Variants in FIS1 observed in about 807,000 individuals in gnomAD.
FIS1 encodes fission, mitochondrial 1.
A neutral mutation model predicts 21.6 loss-of-function variants in FIS1; 16 were observed. That is an observed-to-expected ratio of 0.74 (90% CI 0.50 to 1.12). FIS1 has a LOEUF of 1.12. Ranked by LOEUF, FIS1 falls within the 50% of genes most tolerant of loss-of-function variation. FIS1 has a pLI of 0.00. For synonymous variants in FIS1, 92 were observed against 82.2 expected, an observed-to-expected ratio of 1.12 and a Z score of -0.65; for missense variants, 198 against 190.9, an observed-to-expected ratio of 1.04 and a Z score of -0.22.
intron 1 of FIS1, among the ~76,000 whole-genome samples, chr7:101,244,350 C>T (rs1798786311): frequency 1.3e-5 from 2 of 152,190 alleles, no homozygotes; most frequent in South Asian, 2.1e-4. Context: ...GGTCTCCCCT[C>T]CCCGCGGCGG....
chr7:101,240,167 C>T lies in FIS1; in HGVS notation c.336G>A (p.Arg112=). ...PQNNQAKELE[R]LIDKAMKKDG... ...CTTTCTTCATGGCCTTGTCAATGAGCCGCTCCAGTTCCTTGGCCTGGTTGT... is the reference window on the plus strand; with the variant it reads ...CTTTCTTCATGGCCTTGTCAATGAGTCGCTCCAGTTCCTTGGCCTGGTTGT... Residue 112 remains arginine, a synonymous_variant, in exon 4 of 5, where the codon CGG becomes CGA. Transcript: ENST00000223136. 6.2e-7 allele frequency: 1 copy of T among 1,614,186 alleles called. No individual in the cohort carries two copies. Among genetic ancestry groups the T allele is most frequent in the East Asian group, 2.2e-5 (1 of 44,882 alleles).
At chr7:101,244,820 G>A (rs1410366821) in intron 1 of FIS1, 140 bp downstream of exon 1, 11 of 1,016,532 alleles carry the variant, frequency 1.1e-5, no homozygotes, top group East Asian at 2.6e-5. Context: ...CAGGAGCCAG[G>A]CGCTGTGGAG....
chr7:101,244,112 T>C lies in FIS1; in HGVS notation c.73A>G (p.Lys25Glu), dbSNP rs752658698. The C allele has an allele frequency of 6.2e-7, 1 of 1,613,736 alleles. No individual in the cohort carries two copies. The highest frequency in any genetic ancestry group is 8.5e-7 in the Non-Finnish European group (1 of 1,179,746). ...LKFEKKFQSE[K>E]AAGSVSKSTQ... ...CTCTTGGACACCGAGCCTGCTGCCT[T>C]CTCAGACTGAAATTTCTTTTCAAAC... is the stretch of plus-strand genomic sequence containing the variant. Residue 25 changes from lysine to glutamate, a missense_variant, in exon 2 of 5, where the codon AAG (lysine) becomes GAG (glutamate). By Grantham distance (56) the Lys-to-Glu change is moderately conservative. Coordinates refer to ENST00000223136, the MANE Select transcript of FIS1 (RefSeq NM_016068.3).
Position 101,243,288 on chromosome 7 carries a change from C to G in FIS1, c.178+719G>C, listed in dbSNP as rs1488691664. Among the ~76,000 whole-genome samples the G allele has an allele frequency of 2.0e-5, 3 of 152,146 alleles. No homozygotes were observed. The South Asian group carries it at 6.2e-4, about 32-fold the overall frequency. On this transcript the variant is annotated intron_variant, in intron 2 of 4. Transcript: ENST00000223136. ...AAATAGGGTTCCCATCCAAAAAGCA[C>G]TATCTGGCTGGACGAGGTGGCTCAC...
At chr7:101,240,751 A>G (rs1291793151) in intron 3 of FIS1, 79 bp downstream of exon 3, 16 of 1,416,692 alleles carry the variant, frequency 1.1e-5, no homozygotes, top group African/African-American at 1.4e-5. Context: ...CCCGCTGTCC[A>G]GGGCTCCACC....
At chr7:101,244,873 G>T in intron 1 of FIS1, 87 bp downstream of exon 1, 1 of 1,542,488 alleles carries the variant, frequency 6.5e-7, no homozygotes, top group South Asian at 1.1e-5. Context: ...CCAAGCCGAT[G>T]CCGGGAGGAG....
chr7:101,240,307 T>G, intron 3 of FIS1, 60 bp from the exon 4 acceptor site: 1 of 1,558,176 alleles, frequency 6.4e-7, no homozygotes, highest in Non-Finnish European at 8.9e-7. Flanking sequence ...GTTTGTTTGT[T>G]TTTTAATAAG....
In FIS1 at chr7:101,240,000, T is replaced by C. The variant is rs1486545616; in HGVS notation, c.362-97A>G. On this transcript the variant is annotated intron_variant, in intron 4 of 4. Coordinates refer to ENST00000223136, the MANE Select transcript of FIS1 (RefSeq NM_016068.3). Reference sequence around the variant, plus strand: ...CTGCCCCTCAACAGAGGCACACCCCTACCTGGAGTCGCAGGGCAAGGGGCT... The same window carrying C: ...CTGCCCCTCAACAGAGGCACACCCCCACCTGGAGTCGCAGGGCAAGGGGCT... 3.6e-6 allele frequency: 5 copies of C among 1,408,032 alleles called. No homozygotes were observed. In the African/African-American group the frequency reaches 4.2e-5, roughly 12 times the overall value. The allele number at this position is 1,408,032 out of a possible 1,614,324, so 87.2% of individuals were successfully genotyped here. A position where few individuals can be genotyped will look rare whatever the true frequency, so the allele number is the denominator to read the frequency against.
At position 101,239,714 on chromosome 7, in the gene FIS1, G is replaced by T. The variant is rs929484346; in HGVS notation, c.*92C>A. The T allele has an allele frequency of 9.5e-7, 1 of 1,048,454 alleles. No individual in the cohort carries two copies. Among genetic ancestry groups the T allele is most frequent in the Non-Finnish European group, 1.5e-6 (1 of 688,546 alleles). 64.9% of individuals were successfully genotyped at this position (1,048,454 alleles called of 1,614,324 possible). ...CAGAAATTAGCTGAAGGCCACAGAG[G>T]ATAGAGACGGGGGGCAGGGGGAGAA... On this transcript the variant is annotated 3_prime_UTR_variant, in exon 5 of 5. Coordinates refer to ENST00000223136, the MANE Select transcript of FIS1 (RefSeq NM_016068.3).
chr7:101,239,754 C>T lies in FIS1; in HGVS notation c.*52G>A, dbSNP rs562455255. The T allele has an allele frequency of 1.2e-5, 16 of 1,384,780 alleles. No homozygotes were observed. Among genetic ancestry groups the T allele is most frequent in the South Asian group, 3.8e-5 (3 of 79,978 alleles). The allele number at this position is 1,384,780 out of a possible 1,614,324, so 85.8% of individuals were successfully genotyped here. ...CAGGGGGAGAACAGGGAAAGGACAGCGAGGATGGACAGGCCCTCCTGGAGC... is the reference window on the plus strand; with the variant it reads ...CAGGGGGAGAACAGGGAAAGGACAGTGAGGATGGACAGGCCCTCCTGGAGC... On this transcript the variant is annotated 3_prime_UTR_variant, in exon 5 of 5. Transcript: ENST00000223136.
chr7:101,240,860 GA>G lies in FIS1; in HGVS notation c.224del (p.Phe75SerfsTer17). The G allele has an allele frequency of 6.2e-7, 1 of 1,614,128 alleles. No homozygotes were observed. Among genetic ancestry groups the G allele is most frequent in the Non-Finnish European group, 8.5e-7 (1 of 1,180,040 alleles). ...GCCGGTAGTTCCCCACGGCCAGGTAGAAGACGTAATCCCGCTGTTCCTCCTT... is the reference window on the plus strand; with the variant it reads ...GCCGGTAGTTCCCCACGGCCAGGTAGAGACGTAATCCCGCTGTTCCTCCTT... Reference protein sequence around the residue: ...GSKEEQRDYVFYLAVGNYRLK... With the variant: ...GSKEEQRDYVXYLAVGNYRLK... On this transcript the variant is annotated frameshift_variant, in exon 3 of 5. Transcript: ENST00000223136. LOFTEE classifies it high-confidence loss of function.
chr7:101,243,412 C>T (rs1031539499), intron 2 of FIS1, among the ~76,000 whole-genome samples: 2 of 152,082 alleles, frequency 1.3e-5, no homozygotes, highest in Non-Finnish European at 2.9e-5. Context: ...CCTATCTCTA[C>T]AAAAAATACA....
intron 1 of FIS1, 76 bp downstream of exon 1, chr7:101,244,884 G>A (rs563838581): frequency 1.9e-6 from 3 of 1,569,510 alleles, no homozygotes; most frequent in South Asian, 2.2e-5. Flanking sequence ...CCGGGAGGAG[G>A]GTTCGGCCCC....
intron 1 of FIS1, chr7:101,244,751 T>TGG (rs559395987): frequency 3.2e-5 from 19 of 598,992 alleles, no homozygotes; most frequent in South Asian, 2.7e-4. Context: ...GTCTGAGGTG[T>TGG]GGGGGGCTCA....
In FIS1 at chr7:101,240,918, C is replaced by T. The variant is rs1584271160; in HGVS notation, c.179-12G>A. On this transcript the variant is annotated splice_polypyrimidine_tract_variant and intron_variant, in intron 2 of 4. Coordinates refer to ENST00000223136, the MANE Select transcript of FIS1 (RefSeq NM_016068.3). ...TTTGGGCAGCAGCTCTGGGGAGGGG[C>T]AGAGAAGAGGGTGAGAAATGCTTCT... is the stretch of plus-strand genomic sequence containing the variant. The T allele has an allele frequency of 6.2e-6, 10 of 1,613,732 alleles. No individual in the cohort carries two copies. The East Asian group carries it at 2.2e-4, about 36-fold the overall frequency.
chr7:101,242,490 T>A (rs935362880), intron 2 of FIS1, among the ~76,000 whole-genome samples: 4,028 of 148,082 alleles, frequency 0.027, 86 homozygotes, highest in African/African-American at 0.065. Flanking sequence ...TTTTATAGTT[T>A]TTTTTTTTTT....
chr7:101,244,869 C>G, intron 1 of FIS1, 91 bp downstream of exon 1: 1 of 1,531,952 alleles, frequency 6.5e-7, no homozygotes, highest in Non-Finnish European at 9.0e-7. Context: ...TCGGCCAAGC[C>G]GATGCCGGGA....
chr7:101,244,287 C>T (rs1798785519), intron 1 of FIS1, 148 bp from the exon 2 acceptor site: 1 of 1,136,008 alleles, frequency 8.8e-7, no homozygotes, highest in Non-Finnish European at 1.2e-6. Flanking sequence ...GCCCGGGACC[C>T]AGGCTTTCGG....
At position 101,240,823 on chromosome 7, in the gene FIS1, A is replaced by G. The variant is rs1371402833; in HGVS notation, c.255+7T>C. The G allele has an allele frequency of 5.0e-6, 8 of 1,613,270 alleles. No individual in the cohort carries two copies. In the African/African-American group the frequency reaches 1.1e-4, roughly 22 times the overall value. On this transcript the variant is annotated splice_region_variant and intron_variant, in intron 3 of 4. Coordinates refer to ENST00000223136, the MANE Select transcript of FIS1 (RefSeq NM_016068.3). ...GGAGGGTGAAGGGAACGGGGTCCCC[A>G]CCTCACCTTGAGCCGGTAGTTCCCC... is the stretch of plus-strand genomic sequence containing the variant.
Sources: gnomAD v4.1 joint callset for allele counts (sites outside exome capture counted in the v4.1 genomes callset) on GRCh38, gnomAD v4.1.1 for gene constraint, MANE v1.5 for transcripts, NCBI Gene and HGNC (gene_info 2026-07-23, HGNC 2026-07-21) for gene names.